The following NRXN3 variants were observed in gnomAD, a reference collection of about 807,000 sequenced individuals.
The protein encoded by NRXN3 is neurexin 3.
A neutral mutation model predicts 137.6 loss-of-function variants in NRXN3; 32 were observed. The observed-to-expected ratio is 0.23, with a 90% CI of 0.18 to 0.31. The LOEUF is 0.31. Among genes scored for constraint, NRXN3 ranks in the 10% least tolerant of loss-of-function variants. NRXN3 has a pLI of 1.00. For missense variants in NRXN3, 1,574 were observed against 2,062.5 expected (o/e 0.76, Z 4.59); for synonymous variants, 798 against 784.5 (o/e 1.02, Z -0.29).
intron 15 of NRXN3, among the ~76,000 whole-genome samples, chr14:79,211,590 C>T (rs976550793): frequency 9.9e-5 from 15 of 152,110 alleles, no homozygotes; most frequent in African/African-American, 3.6e-4. Context: ...TTAAACAGCT[C>T]ATAAGGGATG....
At chr14:78,180,318 A>G (rs1304038515) in intron 1 of NRXN3, among the ~76,000 whole-genome samples, 5 of 152,228 alleles carry the variant, frequency 3.3e-5, no homozygotes, top group African/African-American at 4.8e-5. Flanking sequence ...ACAGCCACCT[A>G]GAGTCCCAAG....
At chr14:78,352,912 A>G (rs1481992082) in intron 4 of NRXN3, among the ~76,000 whole-genome samples, 2 of 152,170 alleles carry the variant, frequency 1.3e-5, no homozygotes, top group Admixed American at 6.5e-5. Flanking sequence ...TCAAATCTGC[A>G]TGCAATCTGC....
chr14:79,785,633 C>T (rs562621715), intron 19 of NRXN3, among the ~76,000 whole-genome samples: 1 of 152,062 alleles, frequency 6.6e-6, no homozygotes, highest in Non-Finnish European at 1.5e-5. Context: ...CATTTAAGGA[C>T]AGTTAGGCCA....
chr14:78,537,527 A>G (rs895355435), intron 4 of NRXN3, among the ~76,000 whole-genome samples: 2 of 152,216 alleles, frequency 1.3e-5, no homozygotes, highest in Non-Finnish European at 2.9e-5. Flanking sequence ...TCAGATGGGT[A>G]GGTTGCAAAA....
chr14:79,361,235 G>T (rs1052360016), intron 15 of NRXN3, among the ~76,000 whole-genome samples: 4 of 152,162 alleles, frequency 2.6e-5, no homozygotes, highest in African/African-American at 9.7e-5. Flanking sequence ...AATAAACTGT[G>T]ATAGCTAGAG....
At chr14:78,835,977 C>T (rs1326483988) in intron 10 of NRXN3, among the ~76,000 whole-genome samples, 2 of 152,130 alleles carry the variant, frequency 1.3e-5, no homozygotes, top group African/African-American at 4.8e-5. Flanking sequence ...GGGTTTTTGG[C>T]ATCCTGATTG....
chr14:78,607,297 G>A (rs372979499), intron 4 of NRXN3, among the ~76,000 whole-genome samples: 3 of 152,230 alleles, frequency 2.0e-5, no homozygotes, highest in Middle Eastern at 3.4e-3. Flanking sequence ...ATCCTTTCCC[G>A]CTGAGCTTCC....
intron 15 of NRXN3, among the ~76,000 whole-genome samples, chr14:79,188,050 C>A (rs928370282): frequency 6.6e-6 from 1 of 152,208 alleles, no homozygotes; most frequent in African/African-American, 2.4e-5. Flanking sequence ...GAGTTTCTAT[C>A]TTGTTACAAG....
intron 4 of NRXN3, among the ~76,000 whole-genome samples, chr14:78,541,165 C>G (rs1435475821): frequency 6.6e-6 from 1 of 152,086 alleles, no homozygotes; most frequent in East Asian, 1.9e-4. Context: ...TGTTGGCCTG[C>G]CTTGCTAGGT....
chr14:79,206,645 T>C (rs2066836781), intron 15 of NRXN3, among the ~76,000 whole-genome samples: 1 of 152,234 alleles, frequency 6.6e-6, no homozygotes, highest in Non-Finnish European at 1.5e-5. Flanking sequence ...CCTTTTCTAA[T>C]GAGTTATTGT....
chr14:79,653,099 C>T (rs17109661), intron 16 of NRXN3, among the ~76,000 whole-genome samples: 3,153 of 152,120 alleles, frequency 0.021, 107 homozygotes, highest in African/African-American at 0.072. Context: ...TGATATATTA[C>T]AGTCTGTTGG....
At chr14:78,434,999 T>C (rs904733546) in intron 4 of NRXN3, among the ~76,000 whole-genome samples, 1 of 152,222 alleles carries the variant, frequency 6.6e-6, no homozygotes, top group Non-Finnish European at 1.5e-5. Flanking sequence ...CAATTTCTGG[T>C]TGTCCACATG....
At chr14:79,443,376 C>A (rs1242492815) in intron 15 of NRXN3, among the ~76,000 whole-genome samples, 1 of 152,022 alleles carries the variant, frequency 6.6e-6, no homozygotes, top group East Asian at 1.9e-4. Context: ...TCTATTAGAT[C>A]TGGTCCGTAG....
chr14:79,084,658 A>G (rs1423718438), intron 15 of NRXN3, among the ~76,000 whole-genome samples: 1 of 152,154 alleles, frequency 6.6e-6, no homozygotes, highest in Non-Finnish European at 1.5e-5. Flanking sequence ...GTGATAGGTA[A>G]ATGCCCCTAT....
intron 4 of NRXN3, chr14:78,526,631 T>G (rs2096383900): frequency 2.8e-6 from 1 of 359,526 alleles, no homozygotes. Context: ...ATATCTGCTT[T>G]ATCTGATAAT....
chr14:78,855,200 A>G (rs984774514), intron 10 of NRXN3, among the ~76,000 whole-genome samples: 15 of 152,082 alleles, frequency 9.9e-5, no homozygotes, highest in Admixed American at 7.2e-4. Context: ...ATATATGACT[A>G]TAGCCCTTTT....
chr14:79,478,373 T>C (rs1195689180), intron 16 of NRXN3, among the ~76,000 whole-genome samples: 2 of 152,046 alleles, frequency 1.3e-5, no homozygotes, highest in African/African-American at 4.8e-5. Flanking sequence ...GTTTTTTCTA[T>C]ACCTGTTAGG....
intron 4 of NRXN3, among the ~76,000 whole-genome samples, chr14:78,631,490 A>G (rs529336670): frequency 6.6e-6 from 1 of 152,340 alleles, no homozygotes; most frequent in South Asian, 2.1e-4. Context: ...GATAAATCAT[A>G]TCCGGTATTT....
chr14:79,754,539 T>TGC (rs2099011814), intron 19 of NRXN3, among the ~76,000 whole-genome samples: 1 of 97,030 alleles, frequency 1.0e-5, no homozygotes, highest in Non-Finnish European at 1.9e-5. Context: ...TATATATATA[T>TGC]ATATATATAT....
Sources: allele counts gnomAD v4.1 joint callset (sites outside exome capture counted in the v4.1 genomes callset), GRCh38; gene constraint gnomAD v4.1.1; transcripts MANE v1.5; gene names NCBI Gene and HGNC (gene_info 2026-07-23, HGNC 2026-07-21).